The following PAWR variants were observed in gnomAD, a reference collection of about 807,000 sequenced individuals.
The protein encoded by PAWR is pro-apoptotic WT1 regulator.
A neutral mutation model predicts 32.0 loss-of-function variants in PAWR; 23 were observed. The observed-to-expected ratio is 0.72, with a 90% CI of 0.52 to 1.02. The LOEUF is 1.02. Ranked by LOEUF, PAWR falls within the 50% of genes least tolerant of loss-of-function variation. The pLI is 0.00. For missense variants in PAWR, 457 were observed against 437.7 expected (o/e 1.04, Z -0.39); for synonymous variants, 226 against 187.1 (o/e 1.21, Z -1.70).
intron 3 of PAWR, among the ~76,000 whole-genome samples, chr12:79,614,308 C>T (rs1218800686): frequency 1.3e-5 from 2 of 150,156 alleles, no homozygotes; most frequent in Non-Finnish European, 2.9e-5. Flanking sequence ...CTGCGCCCGG[C>T]CTTATAGTCT....
chr12:79,629,564 T>C (rs1435756745), intron 2 of PAWR, among the ~76,000 whole-genome samples: 1 of 151,800 alleles, frequency 6.6e-6, no homozygotes, highest in Non-Finnish European at 1.5e-5. Flanking sequence ...CAGTACTTAA[T>C]ACAACATGAA....
rs183728936 is a variant in PAWR, at chr12:79,681,042, G to C, written c.516+8687C>G. Among the ~76,000 whole-genome samples the C allele has an allele frequency of 3.3e-3, 501 of 149,976 alleles. 3 individuals are homozygous for C. Among genetic ancestry groups the C allele is most frequent in the African/African-American group, 0.011 (462 of 40,854 alleles). ...ACGTGGGAGGATCTCTTGAACTCAG[G>C]AGGTTGAGTCTGCAGTGAGCCATGA... On this transcript the variant is annotated intron_variant, in intron 2 of 6. Transcript: ENST00000328827.
In PAWR at chr12:79,689,966, G is replaced by C. The variant is rs1305549841; in HGVS notation, c.279C>G (p.Val93=). Residue 93 remains valine (V), a synonymous_variant, in exon 2 of 7, where the codon GTC becomes GTG. Coordinates refer to ENST00000328827, the MANE Select transcript of PAWR (RefSeq NM_002583.4). The part of the protein sequence containing the change: ...VPGPGGVNCA[V]GSAMLTRAAP... ...CCGCCCGCGTCAGCATGGCGGAGCCGACCGCGCAGTTCACGCCCCCGGGAC... is the reference window on the plus strand; with the variant it reads ...CCGCCCGCGTCAGCATGGCGGAGCCCACCGCGCAGTTCACGCCCCCGGGAC... The C allele has an allele frequency of 2.9e-6, 4 of 1,372,978 alleles. No homozygotes were observed. The highest frequency in any genetic ancestry group is 3.5e-5 in the South Asian group (2 of 57,754). The allele number at this position is 1,372,978 out of a possible 1,614,324, so 85.0% of individuals were successfully genotyped here.
intron 2 of PAWR, among the ~76,000 whole-genome samples, chr12:79,631,542 A>G (rs1265697097): frequency 6.6e-6 from 1 of 152,202 alleles, no homozygotes; most frequent in Non-Finnish European, 1.5e-5. Context: ...TTCAAACTGA[A>G]GAAAAATACC....
intron 2 of PAWR, among the ~76,000 whole-genome samples, chr12:79,627,264 T>G (rs1036233265): frequency 1.3e-5 from 2 of 152,168 alleles, no homozygotes; most frequent in African/African-American, 4.8e-5. Flanking sequence ...GTTTCCTGAC[T>G]TTTTAATGAT....
At chr12:79,613,979 A>T (rs11114192) in intron 3 of PAWR, among the ~76,000 whole-genome samples, 3 of 6,692 alleles carry the variant, frequency 4.5e-4, no homozygotes, top group African/African-American at 1.1e-3. Flanking sequence ...ATATATATAT[A>T]TTTTTTTTTT....
At chr12:79,653,133 TC>T (rs1306608258) in intron 2 of PAWR, among the ~76,000 whole-genome samples, 3 of 150,190 alleles carry the variant, frequency 2.0e-5, no homozygotes, top group Non-Finnish European at 4.5e-5. Flanking sequence ...AACCTCCACC[TC>T]CCACGTTCCA....
chr12:79,628,402 T>C (rs998326378), intron 2 of PAWR, among the ~76,000 whole-genome samples: 1 of 152,002 alleles, frequency 6.6e-6, no homozygotes, highest in Non-Finnish European at 1.5e-5. Context: ...TTAAAAGATC[T>C]AGAAAAGCAA....
chr12:79,648,871 G>A (rs1162140878), intron 2 of PAWR, among the ~76,000 whole-genome samples: 1 of 151,770 alleles, frequency 6.6e-6, no homozygotes, highest in African/African-American at 2.4e-5. Context: ...TCCTACACTT[G>A]GAATATCATA....
At chr12:79,665,685 T>G (rs1449297959) in intron 2 of PAWR, among the ~76,000 whole-genome samples, 2 of 152,192 alleles carry the variant, frequency 1.3e-5, no homozygotes, top group East Asian at 1.9e-4. Context: ...GATATACATC[T>G]CCTCTCTCCA....
intron 2 of PAWR, among the ~76,000 whole-genome samples, chr12:79,635,241 G>T (rs1566012299): frequency 6.6e-6 from 1 of 152,004 alleles, no homozygotes; most frequent in Admixed American, 6.6e-5. Context: ...TGGTAGTAGG[G>T]TTAGTATCTT....
intron 5 of PAWR, among the ~76,000 whole-genome samples, chr12:79,596,092 G>C (rs1264712045): frequency 2.6e-5 from 4 of 152,068 alleles, no homozygotes; most frequent in Non-Finnish European, 4.4e-5. Context: ...CAACACCATT[G>C]CTAATTTTAG....
chr12:79,645,892 G>C (rs1876552478), intron 2 of PAWR, among the ~76,000 whole-genome samples: 1 of 152,164 alleles, frequency 6.6e-6, no homozygotes, highest in Non-Finnish European at 1.5e-5. Context: ...TAATGCCCAG[G>C]ATTCACAATT....
chr12:79,666,222 T>G (rs1440373936), intron 2 of PAWR, among the ~76,000 whole-genome samples: 1 of 152,104 alleles, frequency 6.6e-6, no homozygotes, highest in Non-Finnish European at 1.5e-5. Context: ...CTTTCTCACA[T>G]AGTAAAATGA....
At position 79,594,345 on chromosome 12, in the gene PAWR, AT is replaced by A. The variant is rs1285038599; in HGVS notation, c.919del (p.Ile307LeufsTer4). 1.3e-6 allele frequency: 2 copies of A among 1,496,496 alleles called. No homozygotes were observed. Among genetic ancestry groups the A allele is most frequent in the Non-Finnish European group, 1.8e-6 (2 of 1,084,850 alleles). 92.7% of individuals were successfully genotyped at this position (1,496,496 alleles called of 1,614,324 possible). On this transcript the variant is annotated frameshift_variant, in exon 6 of 7. Transcript: ENST00000328827. LOFTEE classifies it high-confidence loss of function. Reference sequence around the variant, plus strand: ...AATACTTACTCTATTTAATAAATCAATTTCTTCTTTGAGTTTTCCAATCATT... The same window carrying A: ...AATACTTACTCTATTTAATAAATCAATTCTTCTTTGAGTTTTCCAATCATT... ...EEMIGKLKEE[I>X]DLLNRDLDDI...
chr12:79,648,617 TAAAAAA>T lies in PAWR; in HGVS notation c.517-27416_517-27411del, dbSNP rs1170404778. On this transcript the variant is annotated intron_variant, in intron 2 of 6. Transcript: ENST00000328827. ...GGGCAACATAATGAGACCCTGTCTC[TAAAAAA>T]AAAAAAAAAAAAAAAATTAGTTGGG... Among the ~76,000 whole-genome samples the T allele has an allele frequency of 2.6e-4, 28 of 108,318 alleles. No individual in the cohort carries two copies. In the East Asian group the frequency reaches 7.0e-3, roughly 27 times the overall value. The allele number at this position is 108,318 out of a possible 152,430, so 71.1% of individuals were successfully genotyped here.
chr12:79,612,982 C>T (rs1874511082), intron 4 of PAWR, among the ~76,000 whole-genome samples: 1 of 152,132 alleles, frequency 6.6e-6, no homozygotes, highest in Non-Finnish European at 1.5e-5. Context: ...TGAGATGGAG[C>T]CCTTGGGAGA....
chr12:79,680,136 T>C (rs1373615502), intron 2 of PAWR, among the ~76,000 whole-genome samples: 1 of 152,230 alleles, frequency 6.6e-6, no homozygotes, highest in Non-Finnish European at 1.5e-5. Context: ...TATGAACACA[T>C]GTTAGGGAAC....
chr12:79,653,189 C>T (rs1037149529), intron 2 of PAWR, among the ~76,000 whole-genome samples: 2 of 151,644 alleles, frequency 1.3e-5, no homozygotes, highest in Admixed American at 6.6e-5. Flanking sequence ...GATTACACGA[C>T]CACACTCAGC....
Sources: allele counts gnomAD v4.1 joint callset (sites outside exome capture counted in the v4.1 genomes callset), GRCh38; gene constraint gnomAD v4.1.1; transcripts MANE v1.5; gene names NCBI Gene and HGNC (gene_info 2026-07-23, HGNC 2026-07-21).